Variants in SV2C observed in about 807,000 individuals in gnomAD.
SV2C encodes solute carrier family 22 member B3.
A neutral mutation model predicts 79.7 loss-of-function variants in SV2C; 49 were observed. That is an observed-to-expected ratio of 0.61 (90% CI 0.49 to 0.78). The LOEUF (loss-of-function observed/expected upper bound fraction) is 0.78, where lower values mean the gene tolerates loss of function less well. SV2C is among the 30% of genes least tolerant of loss of function. SV2C has a pLI of 0.00. For synonymous variants in SV2C, 334 were observed against 333.2 expected (o/e 1.00, Z -0.03); for missense variants, 833 against 912.9 (o/e 0.91, Z 1.13).
the SV2C span, among the ~76,000 whole-genome samples, chr5:76,014,679 C>T: frequency 2.0e-5 from 3 of 152,110 alleles, no homozygotes; most frequent in Non-Finnish European, 4.4e-5. Flanking sequence ...TGCATGGACA[C>T]ACACACACCC....
At chr5:76,238,637 A>C (rs1745691850) in intron 4 of SV2C, among the ~76,000 whole-genome samples, 1 of 152,222 alleles carries the variant, frequency 6.6e-6, no homozygotes, top group Non-Finnish European at 1.5e-5. Context: ...TGTCACAGTC[A>C]GGCGTTCTAG....
chr5:75,852,687 G>A, the SV2C span, among the ~76,000 whole-genome samples: 3 of 151,978 alleles, frequency 2.0e-5, no homozygotes, highest in Non-Finnish European at 1.5e-5. Flanking sequence ...TTAGCTGGGC[G>A]TGGTGGCAGG....
chr5:75,869,501 C>T, the SV2C span, among the ~76,000 whole-genome samples: 3,754 of 152,210 alleles, frequency 0.025, 162 homozygotes, highest in African/African-American at 0.086. Flanking sequence ...AATAGAACAC[C>T]AGGTAGACCC....
chr5:76,341,521 C>T (rs1411355570), intron 12 of SV2C, among the ~76,000 whole-genome samples: 2 of 152,206 alleles, frequency 1.3e-5, no homozygotes. Context: ...CTGAGCTTTA[C>T]AGTCAGACAA....
chr5:75,997,152 A>G, the SV2C span, among the ~76,000 whole-genome samples: 1 of 151,812 alleles, frequency 6.6e-6, no homozygotes, highest in African/African-American at 2.4e-5. Context: ...ATTTTGAGAT[A>G]CGTCCCATCA....
the SV2C span, among the ~76,000 whole-genome samples, chr5:75,888,513 C>A: frequency 6.6e-6 from 1 of 151,974 alleles, no homozygotes; most frequent in African/African-American, 2.4e-5. Context: ...TACCTTGGGC[C>A]TTTGCCTCTC....
At chr5:76,177,611 A>G (rs897866327) in intron 2 of SV2C, among the ~76,000 whole-genome samples, 1 of 152,222 alleles carries the variant, frequency 6.6e-6, no homozygotes, top group African/African-American at 2.4e-5. Context: ...TGAAGGCAAA[A>G]CCGCAGATAA....
At chr5:75,967,991 G>A in the SV2C span, among the ~76,000 whole-genome samples, 4 of 152,132 alleles carry the variant, frequency 2.6e-5, no homozygotes, top group Non-Finnish European at 4.4e-5. Context: ...GGAATGATAA[G>A]GCAGCAGCAT....
At chr5:76,200,888 T>G (rs921862435) in intron 3 of SV2C, among the ~76,000 whole-genome samples, 1 of 152,212 alleles carries the variant, frequency 6.6e-6, no homozygotes, top group African/African-American at 2.4e-5. Flanking sequence ...GTAATCCTCC[T>G]AGCCTTGGCT....
intron 1 of SV2C, among the ~76,000 whole-genome samples, chr5:76,121,292 C>T (rs1748485081): frequency 6.6e-6 from 1 of 152,112 alleles, no homozygotes; most frequent in Non-Finnish European, 1.5e-5. Flanking sequence ...GAGTAGGTTG[C>T]AAAAATTTTC....
chr5:75,951,997 T>C, the SV2C span, among the ~76,000 whole-genome samples: 2 of 151,964 alleles, frequency 1.3e-5, no homozygotes, highest in East Asian at 3.9e-4. Context: ...AGGGAAATCT[T>C]TTCAAGTGAT....
At chr5:76,205,353 T>C (rs1166343162) in intron 3 of SV2C, among the ~76,000 whole-genome samples, 1 of 152,226 alleles carries the variant, frequency 6.6e-6, no homozygotes, top group Non-Finnish European at 1.5e-5. Context: ...AACATTCTAT[T>C]TCATTTGTAT....
At chr5:76,235,383 G>A (rs1321903989) in intron 4 of SV2C, among the ~76,000 whole-genome samples, 1 of 152,052 alleles carries the variant, frequency 6.6e-6, no homozygotes, top group Non-Finnish European at 1.5e-5. Context: ...TACATTGGTT[G>A]GTAAAGGGAA....
In SV2C at chr5:76,174,707, G is replaced by C. The variant is rs191366388; in HGVS notation, c.581-20212G>C. On this transcript the variant is annotated intron_variant, in intron 2 of 12. Transcript: ENST00000502798. ...GTAAAAAAGAATGCTTAGCTTGTAC[G>C]CTGCACGAAAGCATAGTTCGTGGAC... Among the ~76,000 whole-genome samples the C allele has an allele frequency of 9.8e-4, 150 of 152,296 alleles. 1 individual carries two copies. Among genetic ancestry groups the C allele is most frequent in the African/African-American group, 3.3e-3 (139 of 41,564 alleles).
At chr5:76,265,144 C>T (rs558144615) in intron 4 of SV2C, among the ~76,000 whole-genome samples, 1 of 152,218 alleles carries the variant, frequency 6.6e-6, no homozygotes, top group Non-Finnish European at 1.5e-5. Context: ...TTCAGAGATG[C>T]CCTGCCCAGA....
In SV2C at chr5:76,155,942, C is replaced by CA. The variant is rs56340029; in HGVS notation, c.580+23639dup. Among the ~76,000 whole-genome samples, 166 of 58,096 alleles carry CA rather than the reference C, an allele frequency of 2.9e-3. 5 individuals carry two copies. The highest frequency in any genetic ancestry group is 0.014 in the East Asian group (27 of 1,876). 38.1% of individuals were successfully genotyped at this position (58,096 alleles called of 152,430 possible). On this transcript the variant is annotated intron_variant, in intron 2 of 12. Transcript: ENST00000502798. ...AGAAATTTATGCCCAAGGTTTCTCT[C>CA]AAAAAAAAAAAAAAAAAAAAAAAAA...
chr5:75,974,024 T>C, the SV2C span, among the ~76,000 whole-genome samples: 1 of 152,070 alleles, frequency 6.6e-6, no homozygotes, highest in Non-Finnish European at 1.5e-5. Context: ...GCAAATGTAA[T>C]ACTAATATCC....
the SV2C span, among the ~76,000 whole-genome samples, chr5:75,898,237 C>T: frequency 1.3e-5 from 2 of 152,080 alleles, no homozygotes; most frequent in African/African-American, 2.4e-5. Flanking sequence ...TTTTGAGATA[C>T]GTCCCATCAA....
chr5:75,996,792 T>C, the SV2C span, among the ~76,000 whole-genome samples: 101 of 151,142 alleles, frequency 6.7e-4, 1 homozygote, highest in East Asian at 0.02. Context: ...GTTTGTCTGT[T>C]ATTGGTGTAT....
Sources: gnomAD v4.1 joint callset for allele counts (sites outside exome capture counted in the v4.1 genomes callset) on GRCh38, gnomAD v4.1.1 for gene constraint, MANE v1.5 for transcripts, NCBI Gene and HGNC (gene_info 2026-07-23, HGNC 2026-07-21) for gene names.